The following HTRA1 variants were observed in gnomAD, a reference collection of about 807,000 sequenced individuals.
The protein encoded by HTRA1 is serine protease HTRA1.
A neutral mutation model predicts 49.7 loss-of-function variants in HTRA1; 26 were observed. The observed-to-expected ratio is 0.52, with a 90% CI of 0.38 to 0.73. The LOEUF is 0.73. HTRA1 is among the 30% of genes least tolerant of loss of function. The pLI is 0.00. For synonymous variants in HTRA1, 291 were observed against 286.9 expected (o/e 1.01, Z -0.14); for missense variants, 561 against 667.2 (o/e 0.84, Z 1.75).
chr10:122,492,340 T>G (rs1270128902), intron 3 of HTRA1, among the ~76,000 whole-genome samples: 2 of 152,228 alleles, frequency 1.3e-5, no homozygotes, highest in Non-Finnish European at 2.9e-5. Context: ...TATTTCATTT[T>G]ATTTTTATGT....
At chr10:122,473,726 T>C (rs2097487203) in intron 1 of HTRA1, among the ~76,000 whole-genome samples, 1 of 152,196 alleles carries the variant, frequency 6.6e-6, no homozygotes, top group African/African-American at 2.4e-5. Context: ...TATCCATTAG[T>C]AGCCACCCCA....
At chr10:122,507,026 C>G (rs1466417381) in intron 4 of HTRA1, 141 bp downstream of exon 4, 1 of 800,348 alleles carries the variant, frequency 1.2e-6, no homozygotes, top group African/African-American at 1.7e-5. Context: ...GATTCTAGTG[C>G]CAGCAGCATG....
In HTRA1 at chr10:122,490,513, G is replaced by A. The variant is rs2097495254; in HGVS notation, c.777+887G>A. ...AGAGGTTTTGTTTGCTGTGTGGCAT[G>A]TTCAGTGAAAGCGTGGTTTCCAGTT... On this transcript the variant is annotated intron_variant, in intron 3 of 8. Transcript: ENST00000368984. This position sits in a 1 kb window ranked among gnomAD's most constrained non-coding sequence, Gnocchi z 4.2. Among the ~76,000 whole-genome samples, 1 of 152,192 alleles carries A rather than the reference G, an allele frequency of 6.6e-6. No homozygotes were observed. The highest frequency in any genetic ancestry group is 1.5e-5 in the Non-Finnish European group (1 of 68,036).
At chr10:122,488,580 A>C (rs1010639116) in intron 1 of HTRA1, among the ~76,000 whole-genome samples, 9 of 152,156 alleles carry the variant, frequency 5.9e-5, no homozygotes, top group Non-Finnish European at 1.2e-4. Context: ...CTGAAAAAAA[A>C]CAAAAAACAA....
At chr10:122,478,285 A>T (rs996755205) in intron 1 of HTRA1, among the ~76,000 whole-genome samples, 1 of 151,738 alleles carries the variant, frequency 6.6e-6, no homozygotes, top group Non-Finnish European at 1.5e-5. Context: ...CCTTGGCTGG[A>T]GTATGCACTG....
At chr10:122,478,392 ATTTTT>A (rs34977432) in intron 1 of HTRA1, among the ~76,000 whole-genome samples, 2 of 119,102 alleles carry the variant, frequency 1.7e-5, no homozygotes, top group African/African-American at 6.4e-5. Context: ...AGTTTGACAG[ATTTTT>A]TTTTTTTTTT....
At chr10:122,488,435 G>A (rs982329335) in intron 1 of HTRA1, among the ~76,000 whole-genome samples, 2 of 152,164 alleles carry the variant, frequency 1.3e-5, no homozygotes, top group Non-Finnish European at 2.9e-5. Flanking sequence ...GGTGGTGGGT[G>A]CCTGTAATCC....
rs142127855 is a variant in HTRA1 at position 122,488,975 on chromosome 10, C to A, written c.546C>A (p.Ala182=). The change falls in exon 2 of 9, where the codon GCC becomes GCA. Residue 182 remains alanine (A), a synonymous_variant. Transcript: ENST00000368984. ...ACGTGGTGGAGAAGATCGCCCCTGC[C>A]GTGGTTCATATCGAATTGTTTCGCA... ...IADVVEKIAP[A]VVHIELFRKL... 5.6e-5 allele frequency: 90 copies of A among 1,613,728 alleles called. No individual in the cohort carries two copies. The highest frequency in any genetic ancestry group is 7.5e-5 in the Non-Finnish European group (89 of 1,179,774).
In HTRA1 at chr10:122,480,038, G is replaced by A. The variant is rs142937372; in HGVS notation, c.473-8864G>A. ...CAGGTGACCTTGGCCTTGAAGATGG[G>A]GCATGATATTTAGTGCTTTATGTGC... is the stretch of plus-strand genomic sequence containing the variant. On this transcript the variant is annotated intron_variant, in intron 1 of 8. Transcript: ENST00000368984. 1.5e-3 allele frequency among the ~76,000 whole-genome samples: 223 copies of A among 152,190 alleles called. 1 individual carries two copies. Among genetic ancestry groups the A allele is most frequent in the African/African-American group, 5.2e-3 (216 of 41,502 alleles).
At chr10:122,476,699 C>A (rs2097488637) in intron 1 of HTRA1, among the ~76,000 whole-genome samples, 1 of 151,188 alleles carries the variant, frequency 6.6e-6, no homozygotes, top group Non-Finnish European at 1.5e-5. Flanking sequence ...ATCAGAAATG[C>A]AGGTGGGGGG....
intron 3 of HTRA1, among the ~76,000 whole-genome samples, chr10:122,499,586 G>C (rs901208695): frequency 6.6e-6 from 1 of 152,022 alleles, no homozygotes; most frequent in Non-Finnish European, 1.5e-5. Flanking sequence ...CTGCCCATGT[G>C]CTCACTTCCC....
chr10:122,508,717 C>T lies in HTRA1; in HGVS notation c.1067C>T (p.Pro356Leu). 6.2e-7 allele frequency: 1 copy of T among 1,614,026 alleles called. No homozygotes were observed. The highest frequency in any genetic ancestry group is 8.5e-7 in the Non-Finnish European group (1 of 1,179,860). The change falls in exon 6 of 9, where the codon CCA becomes CTA. Residue 356 changes from proline (P) to leucine (L), a missense_variant. By Grantham distance (98) the Pro-to-Leu change is moderately conservative. Transcript: ENST00000368984. ...KVTAGISFAI[P>L]SDKIKKFLTE... ...ACAGCTGGAATCTCCTTTGCAATCC[C>T]ATCTGATAAGATTAAAAAGTTCCTC...
At chr10:122,462,713 G>C (rs1213758673) in intron 1 of HTRA1, among the ~76,000 whole-genome samples, 8 of 152,250 alleles carry the variant, frequency 5.3e-5, no homozygotes, top group Non-Finnish European at 7.3e-5. Context: ...CACCGCTCTC[G>C]TTTCGGCGGC....
chr10:122,489,340 G>A (rs2097494628), intron 2 of HTRA1, 82 bp from the exon 3 acceptor site: 4 of 1,274,638 alleles, frequency 3.1e-6, no homozygotes, highest in East Asian at 4.6e-5. Flanking sequence ...GTGTGTGGCT[G>A]TTGCACAACC....
rs146074100 is a variant in HTRA1 at position 122,500,242 on chromosome 10, C to T, written c.778-6449C>T. Among the ~76,000 whole-genome samples, 985 of 152,254 alleles carry T rather than the reference C, an allele frequency of 6.5e-3. 16 individuals carry two copies. The highest frequency in any genetic ancestry group is 0.022 in the African/African-American group (900 of 41,534). ...CTGGAGAATTCTAGGAACGCCCCCT[C>T]CTCTTGCAGCAGTATAAGTTTGCGG... On this transcript the variant is annotated intron_variant, in intron 3 of 8. Transcript: ENST00000368984.
Position 122,490,473 on chromosome 10 carries a change from C to T in HTRA1, c.777+847C>T, listed in dbSNP as rs1202538451. 4.6e-5 allele frequency among the ~76,000 whole-genome samples: 7 copies of T among 152,194 alleles called. 1 individual carries two copies. The highest frequency in any genetic ancestry group is 4.1e-4 in the South Asian group (2 of 4,834). ...TACTGACTCATCAAAAACCCCCACT[C>T]GACACGTCGATGAGAGAGGTTTTGT... On this transcript the variant is annotated intron_variant, in intron 3 of 8. Transcript: ENST00000368984. This position sits in a 1 kb window ranked among gnomAD's most constrained non-coding sequence, Gnocchi z 4.2.
intron 1 of HTRA1, among the ~76,000 whole-genome samples, chr10:122,486,583 C>T (rs1489816774): frequency 2.0e-5 from 3 of 152,136 alleles, no homozygotes; most frequent in African/African-American, 4.8e-5. Context: ...TGGTGTCAAG[C>T]TGGGTTACTA....
chr10:122,461,597 G>A lies in HTRA1; in HGVS notation c.-56G>A. 1.7e-6 allele frequency: 2 copies of A among 1,148,030 alleles called. No individual in the cohort carries two copies. The allele number at this position is 1,148,030 out of a possible 1,614,324, so 71.1% of individuals were successfully genotyped here. On this transcript the variant is annotated 5_prime_UTR_variant, in exon 1 of 9. Coordinates refer to ENST00000368984, the MANE Select transcript of HTRA1 (RefSeq NM_002775.5). ...GAGGCCCTCCTGCACTCTCCCCGGCGCCGCTCTCCGGCCCTCGCCCTGTCC... is the reference window on the plus strand; with the variant it reads ...GAGGCCCTCCTGCACTCTCCCCGGCACCGCTCTCCGGCCCTCGCCCTGTCC...
intron 1 of HTRA1, among the ~76,000 whole-genome samples, chr10:122,469,717 C>G (rs532675239): frequency 1.3e-5 from 2 of 152,284 alleles, no homozygotes; most frequent in East Asian, 3.9e-4. Context: ...ACAGAAGAGG[C>G]TCCTAGAGGT....
Sources: gnomAD v4.1 joint callset for allele counts (sites outside exome capture counted in the v4.1 genomes callset) on GRCh38, gnomAD v4.1.1 for gene constraint, Gnocchi (gnomAD v3.1) non-coding constraint, MANE v1.5 for transcripts, NCBI Gene and HGNC (gene_info 2026-07-23, HGNC 2026-07-21) for gene names.